The following MYO5A variants were observed in gnomAD, a reference collection of about 807,000 sequenced individuals.
MYO5A encodes the protein unconventional myosin-Va.
Under a neutral mutation model 249.7 loss-of-function variants are expected in MYO5A, and 98 were observed. The observed-to-expected ratio is 0.39, with a 90% confidence interval of 0.33 to 0.46. The LOEUF (loss-of-function observed/expected upper bound fraction) is 0.46. MYO5A is among the 20% of genes least tolerant of loss of function. MYO5A has a pLI of 0.98. For synonymous variants in MYO5A, 778 were observed against 810.6 expected, an observed-to-expected ratio of 0.96 and a Z score of 0.68; for missense variants, 1,696 against 2,308.8, an observed-to-expected ratio of 0.73 and a Z score of 5.44.
Position 52,397,319 on chromosome 15 carries a change from C to T in MYO5A, c.1201G>A (p.Asp401Asn), listed in dbSNP as rs199561289. The change falls in exon 10 of 42, where the codon GAT becomes AAT. Residue 401 changes from aspartate (D) to asparagine (N), a missense_variant. Asp to Asn is a conservative substitution (Grantham distance 23, BLOSUM62 1). This residue lies in a region of MYO5A where 185 missense variants were observed against 204.8 expected (regional missense o/e 0.90). Transcript: ENST00000399233. ...ISKLQATNAR[D>N]ALAKHIYAKL... Reference sequence around the variant, plus strand: ...GCATAGATGTGCTTGGCCAAAGCATCGCGGGCATTCGTGGCCTGCAGCTTG... The same window carrying T: ...GCATAGATGTGCTTGGCCAAAGCATTGCGGGCATTCGTGGCCTGCAGCTTG... 98 of 1,613,956 alleles carry T rather than the reference C, an allele frequency of 6.1e-5. No individual in the cohort carries two copies. The highest frequency in any genetic ancestry group is 7.5e-5 in the Non-Finnish European group (89 of 1,179,988).
intron 1 of MYO5A, among the ~76,000 whole-genome samples, chr15:52,513,431 TAA>T (rs200250201): frequency 4.2e-5 from 5 of 119,030 alleles, no homozygotes; most frequent in African/African-American, 6.1e-5. Flanking sequence ...AACTCCATCT[TAA>T]AAAAAAAAAA....
At chr15:52,358,180 C>T (rs200870834) in intron 25 of MYO5A, among the ~76,000 whole-genome samples, 1 of 152,026 alleles carries the variant, frequency 6.6e-6, no homozygotes, top group East Asian at 1.9e-4. Context: ...GACTGGCAGG[C>T]GAATTCTCCA....
At chr15:52,391,902 A>G in intron 12 of MYO5A, 28 bp downstream of exon 12, 2 of 1,608,332 alleles carry the variant, frequency 1.2e-6, no homozygotes, top group Non-Finnish European at 8.5e-7. Context: ...ATTTTGATAA[A>G]CCAAGTACCC....
In MYO5A at chr15:52,416,489, A is replaced by T. The variant is rs62023266; in HGVS notation, c.456-188T>A. ...CCACCAGAAATGTTGCAGGATATAT[A>T]TATATTTTTTTTAAGGAATCAGAGA... On this transcript the variant is annotated intron_variant, in intron 4 of 41. Transcript: ENST00000399233. Among the ~76,000 whole-genome samples, 47,620 of 146,540 alleles carry T rather than the reference A, an allele frequency of 0.32. 9,560 individuals are homozygous for T. Among genetic ancestry groups the T allele is most frequent in the East Asian group, 0.68 (3,320 of 4,872 alleles).
At chr15:52,362,409 GAT>G (rs2141055742) in intron 24 of MYO5A, among the ~76,000 whole-genome samples, 1 of 152,282 alleles carries the variant, frequency 6.6e-6, no homozygotes, top group South Asian at 2.1e-4. Context: ...ATTAAAATAA[GAT>G]ATTGTCACTA....
At chr15:52,489,291 G>A (rs571816506) in intron 1 of MYO5A, among the ~76,000 whole-genome samples, 14 of 152,310 alleles carry the variant, frequency 9.2e-5, no homozygotes, top group Middle Eastern at 3.4e-3. Context: ...TCGGCTGGGC[G>A]CGGTGGCTCA....
In MYO5A at chr15:52,337,795, T is replaced by C. The variant is rs2039187463; in HGVS notation, c.4314+15A>G. The C allele has an allele frequency of 6.6e-7, 1 of 1,521,784 alleles. No individual in the cohort carries two copies. The highest frequency in any genetic ancestry group is 8.9e-7 in the Non-Finnish European group (1 of 1,123,310). The allele number at this position is 1,521,784 out of a possible 1,614,324, so 94.3% of individuals were successfully genotyped here. ...GCAAGGGAAGACAGCAGAAAAGCAC[T>C]ATGGTTTTACATACAATCATCCGTT... is the stretch of plus-strand genomic sequence containing the variant. On this transcript the variant is annotated intron_variant, in intron 33 of 41. Transcript: ENST00000399233.
chr15:52,335,318 T>A (rs1596306811), intron 34 of MYO5A, among the ~76,000 whole-genome samples: 1 of 151,818 alleles, frequency 6.6e-6, no homozygotes, highest in African/African-American at 2.4e-5. Context: ...GAGTTCGAGA[T>A]CAGCCTGGCC....
intron 34 of MYO5A, among the ~76,000 whole-genome samples, chr15:52,330,744 C>G (rs1048958019): frequency 1.3e-5 from 2 of 152,156 alleles, no homozygotes; most frequent in African/African-American, 4.8e-5. Flanking sequence ...AATAACCTTA[C>G]ATGACTCAAA....
At chr15:52,315,614 T>C (rs1567011403) in intron 40 of MYO5A, among the ~76,000 whole-genome samples, 2 of 151,288 alleles carry the variant, frequency 1.3e-5, no homozygotes, top group Non-Finnish European at 2.9e-5. Flanking sequence ...CCTCAGGTGA[T>C]CTGTCTGCCT....
At chr15:52,453,606 A>G (rs1246573446) in intron 1 of MYO5A, among the ~76,000 whole-genome samples, 1 of 152,216 alleles carries the variant, frequency 6.6e-6, no homozygotes, top group Non-Finnish European at 1.5e-5. Context: ...TGTCTGGAAG[A>G]TAAATCTATC....
At position 52,379,626 on chromosome 15, in the gene MYO5A, A is replaced by G; in HGVS notation, c.2207T>C (p.Leu736Pro). The G allele has an allele frequency of 6.2e-7, 1 of 1,612,312 alleles. No individual in the cohort carries two copies. The highest frequency in any genetic ancestry group is 2.2e-5 in the East Asian group (1 of 44,878). The change falls in exon 18 of 42, where the codon CTG becomes CCG. Residue 736 changes from leucine (L) to proline (P), a missense_variant and splice_region_variant. Coordinates refer to ENST00000399233, the MANE Select transcript of MYO5A (RefSeq NM_001382347.1). ...GACGGTAAGCGAAATCATTCTCACC[A>G]GTATCAGTTTCTCTAACACATTCTT... ...TCKNVLEKLI[L>P]DKDKYQFGKT...
In MYO5A at chr15:52,320,486, C is replaced by T. The variant is rs149935636; in HGVS notation, c.4951+873G>A. Among the ~76,000 whole-genome samples, 62 of 152,264 alleles carry T rather than the reference C, an allele frequency of 4.1e-4. 2 individuals carry two copies. The East Asian group carries it at 6.4e-3, about 16-fold the overall frequency. On this transcript the variant is annotated intron_variant, in intron 38 of 41. Transcript: ENST00000399233. Reference sequence around the variant, plus strand: ...GAAGTTGACCTTGGTATCTGTGTTACCTCCTAAATTTTTGCCAACCTAGGG... The same window carrying T: ...GAAGTTGACCTTGGTATCTGTGTTATCTCCTAAATTTTTGCCAACCTAGGG...
intron 37 of MYO5A, among the ~76,000 whole-genome samples, chr15:52,322,115 C>G (rs1010320022): frequency 6.6e-5 from 10 of 152,212 alleles, no homozygotes; most frequent in African/African-American, 2.2e-4. Flanking sequence ...TGCAGTTTAA[C>G]ACGTTGTTTG....
intron 1 of MYO5A, among the ~76,000 whole-genome samples, chr15:52,466,377 T>A (rs556427282): frequency 8.5e-5 from 13 of 152,130 alleles, no homozygotes; most frequent in Admixed American, 7.9e-4. Flanking sequence ...ACCCCACCCA[T>A]GGACCAGAGG....
At chr15:52,373,169 TA>T (rs1275045396) in intron 20 of MYO5A, among the ~76,000 whole-genome samples, 8 of 150,744 alleles carry the variant, frequency 5.3e-5, no homozygotes, top group South Asian at 2.1e-4. Flanking sequence ...TTACATTTCC[TA>T]AAAAAAAATG....
chr15:52,340,949 T>C (rs1368335610), intron 31 of MYO5A, among the ~76,000 whole-genome samples: 1 of 128,004 alleles, frequency 7.8e-6, no homozygotes, highest in African/African-American at 3.5e-5. Context: ...CAAAACTTCG[T>C]CTCAAAAAAA....
chr15:52,365,803 TC>T (rs766655450), intron 23 of MYO5A, among the ~76,000 whole-genome samples: 1 of 152,256 alleles, frequency 6.6e-6, no homozygotes, highest in African/African-American at 2.4e-5. Context: ...CAAAAAATTT[TC>T]CCTTGGCAAA....
At chr15:52,321,306 G>T (rs2038299375) in intron 38 of MYO5A, 53 bp downstream of exon 38, 2 of 1,608,824 alleles carry the variant, frequency 1.2e-6, no homozygotes, top group African/African-American at 1.3e-5. Flanking sequence ...GCTACTTATC[G>T]ATGGGCATGA....
Sources: allele counts gnomAD v4.1 joint callset (sites outside exome capture counted in the v4.1 genomes callset), GRCh38; gene constraint gnomAD v4.1.1; regional missense constraint gnomAD v4.1.1; transcripts MANE v1.5; gene names NCBI Gene and HGNC (gene_info 2026-07-23, HGNC 2026-07-21).